KCNN2: variants seen among roughly 807,000 people sequenced by gnomAD.
KCNN2 encodes the protein small conductance calcium-activated potassium channel protein 2.
In KCNN2, 24 loss-of-function variants were observed where a neutral mutation model predicts 55.5. The ratio of observed to expected loss-of-function variants is 0.43; its 90% CI spans 0.31 to 0.61. KCNN2 has a LOEUF of 0.61. Among genes scored for constraint, KCNN2 ranks in the 20% least tolerant of loss-of-function variants. The pLI is 0.08. For missense variants in KCNN2, 754 were observed against 853.6 expected (o/e 0.88, Z 1.45); for synonymous variants, 431 against 336.1 (o/e 1.28, Z -3.09).
At chr5:114,246,956 T>C (rs1754758532) in intron 2 of KCNN2, among the ~76,000 whole-genome samples, 1 of 151,448 alleles carries the variant, frequency 6.6e-6, no homozygotes, top group Non-Finnish European at 1.5e-5. Flanking sequence ...GTAATATAAT[T>C]TCTCTGATTT....
intron 3 of KCNN2, among the ~76,000 whole-genome samples, chr5:114,416,942 T>C (rs184424813): frequency 1.3e-4 from 20 of 152,320 alleles, no homozygotes; most frequent in Admixed American, 1.3e-3. Flanking sequence ...ATTTAGTGAC[T>C]TTCTTGCGTT....
At chr5:114,208,672 T>G (rs1753819456) in intron 1 of KCNN2, among the ~76,000 whole-genome samples, 1 of 152,170 alleles carries the variant, frequency 6.6e-6, no homozygotes, top group African/African-American at 2.4e-5. Flanking sequence ...AAATGAGGCT[T>G]TACAAACCAG....
intron 2 of KCNN2, among the ~76,000 whole-genome samples, chr5:114,251,880 C>CTTTT (rs200692821): frequency 3.7e-5 from 5 of 133,338 alleles, no homozygotes; most frequent in African/African-American, 1.4e-4. Context: ...TTTTCTTTTT[C>CTTTT]TTTTTTTTTT....
chr5:114,166,993 T>C (rs544964002), intron 1 of KCNN2, among the ~76,000 whole-genome samples: 2 of 152,274 alleles, frequency 1.3e-5, no homozygotes, highest in East Asian at 3.9e-4. Flanking sequence ...TCTTAGACTT[T>C]CCAGCCTCCA....
intron 1 of KCNN2, among the ~76,000 whole-genome samples, chr5:114,117,866 C>A (rs1275539243): frequency 6.6e-6 from 1 of 152,162 alleles, no homozygotes; most frequent in Non-Finnish European, 1.5e-5. Context: ...CTGAGCTGTA[C>A]CCTCTCCTTC....
At chr5:114,416,236 A>G (rs1759299848) in intron 3 of KCNN2, among the ~76,000 whole-genome samples, 1 of 152,136 alleles carries the variant, frequency 6.6e-6, no homozygotes, top group Non-Finnish European at 1.5e-5. Context: ...ACTTGCCTCC[A>G]ATGGGAATTT....
intron 1 of KCNN2, among the ~76,000 whole-genome samples, chr5:114,121,066 G>T (rs1030918547): frequency 6.6e-6 from 1 of 152,194 alleles, no homozygotes; most frequent in African/African-American, 2.4e-5. Context: ...TCCAGGGTTG[G>T]TAGTGCCATC....
At chr5:114,293,223 A>G (rs11241272) in intron 2 of KCNN2, among the ~76,000 whole-genome samples, 133,008 of 152,106 alleles carry the variant, frequency 0.87, 58,395 homozygotes, top group East Asian at 0.98. Flanking sequence ...CACTTTCAAC[A>G]CTATGTTGAA....
At chr5:114,399,930 G>T (rs78522824) in intron 2 of KCNN2, among the ~76,000 whole-genome samples, 1,589 of 129,566 alleles carry the variant, frequency 0.012, 28 homozygotes, top group African/African-American at 0.037. Context: ...TTTTTTTTTT[G>T]TTTTTTTTTT....
intron 1 of KCNN2, among the ~76,000 whole-genome samples, chr5:114,172,294 A>G (rs1213902414): frequency 6.6e-6 from 1 of 151,982 alleles, no homozygotes; most frequent in Non-Finnish European, 1.5e-5. Context: ...CAAAGAAGGT[A>G]GGAAGATTGG....
chr5:114,195,443 G>C (rs745578863), intron 1 of KCNN2, among the ~76,000 whole-genome samples: 8 of 151,730 alleles, frequency 5.3e-5, no homozygotes, highest in Admixed American at 2.0e-4. Flanking sequence ...TACTCCTTTT[G>C]ATGTTATTGT....
chr5:114,059,947 C>T (rs935921940), intron 1 of KCNN2, among the ~76,000 whole-genome samples: 1 of 152,180 alleles, frequency 6.6e-6, no homozygotes, highest in Non-Finnish European at 1.5e-5. Flanking sequence ...CAAGTGGAGC[C>T]ATGAGATTTG....
intron 2 of KCNN2, among the ~76,000 whole-genome samples, chr5:114,383,464 CTT>C (rs66787954): frequency 0.015 from 1,519 of 102,540 alleles, 8 homozygotes; most frequent in African/African-American, 0.06. Context: ...CCACTAAATG[CTT>C]TTTTTTTTTT....
intron 3 of KCNN2, among the ~76,000 whole-genome samples, chr5:114,406,857 T>G (rs763385322): frequency 6.6e-6 from 1 of 152,126 alleles, no homozygotes; most frequent in East Asian, 1.9e-4. Context: ...AAAGGTAGTA[T>G]ATAAGAGAGA....
intron 2 of KCNN2, among the ~76,000 whole-genome samples, chr5:114,259,442 T>C (rs1270621854): frequency 6.6e-6 from 1 of 152,140 alleles, no homozygotes; most frequent in East Asian, 1.9e-4. Flanking sequence ...GCCCTGCCAC[T>C]GCCACTCGGG....
intron 2 of KCNN2, among the ~76,000 whole-genome samples, chr5:114,365,951 T>A (rs1490296914): frequency 6.6e-6 from 1 of 152,134 alleles, no homozygotes; most frequent in Non-Finnish European, 1.5e-5. Context: ...GGTATTAACA[T>A]CAAAAACAAA....
At chr5:114,373,667 TG>T (rs1221940357) in intron 2 of KCNN2, among the ~76,000 whole-genome samples, 2 of 127,272 alleles carry the variant, frequency 1.6e-5, no homozygotes, top group Middle Eastern at 3.8e-3. Flanking sequence ...TAAAATTACT[TG>T]GAACACTGCC....
At chr5:114,138,946 T>G (rs1167408790) in intron 1 of KCNN2, among the ~76,000 whole-genome samples, 1 of 152,208 alleles carries the variant, frequency 6.6e-6, no homozygotes, top group East Asian at 1.9e-4. Flanking sequence ...GCAATTGCAC[T>G]AGTGCTAAAG....
chr5:114,150,028 T>G (rs867120366), intron 1 of KCNN2, among the ~76,000 whole-genome samples: 1 of 152,168 alleles, frequency 6.6e-6, no homozygotes, highest in African/African-American at 2.4e-5. Flanking sequence ...GATAGGAATC[T>G]TGGTGATGTG....
Sources: allele counts gnomAD v4.1 joint callset (sites outside exome capture counted in the v4.1 genomes callset), GRCh38; gene constraint gnomAD v4.1.1; transcripts MANE v1.5; gene names NCBI Gene and HGNC (gene_info 2026-07-23, HGNC 2026-07-21).